FGD4: variants seen among roughly 807,000 people sequenced by gnomAD.
FGD4 encodes FYVE, RhoGEF and PH domain containing 4, also known as FYVE, RhoGEF and PH domain-containing protein 4.
In FGD4, 42 loss-of-function variants were observed where a neutral mutation model predicts 102.0. The ratio of observed to expected loss-of-function variants is 0.41; its 90% confidence interval spans 0.32 to 0.53. FGD4 has a LOEUF of 0.53. FGD4 is among the 20% of genes least tolerant of loss of function. The probability of loss-of-function intolerance (pLI) is 0.21; values close to 1 mark genes in which losing one functional copy is unlikely to be tolerated. For missense variants in FGD4, 902 were observed against 1,078.2 expected, an observed-to-expected ratio of 0.84 and a Z score of 2.29; for synonymous variants, 380 against 375.7, an observed-to-expected ratio of 1.01 and a Z score of -0.13.
chr12:32,533,632 C>G (rs926802614), intron 1 of FGD4, among the ~76,000 whole-genome samples: 1 of 152,170 alleles, frequency 6.6e-6, no homozygotes, highest in African/African-American at 2.4e-5. Context: ...ACCATGTTGG[C>G]CAGGCTGGTT....
At chr12:32,404,416 G>A (rs967729840) in intron 1 of FGD4, among the ~76,000 whole-genome samples, 30 of 151,824 alleles carry the variant, frequency 2.0e-4, no homozygotes, top group African/African-American at 6.5e-4. Context: ...ATTGAATTCT[G>A]GCACTGAACC....
chr12:32,407,575 G>A (rs984406246), intron 1 of FGD4, among the ~76,000 whole-genome samples: 4 of 152,182 alleles, frequency 2.6e-5, no homozygotes, highest in South Asian at 4.1e-4. Flanking sequence ...GAATGCTATA[G>A]ATTGTCCCTC....
chr12:32,635,063 T>C (rs1950723962), intron 15 of FGD4, among the ~76,000 whole-genome samples: 1 of 152,202 alleles, frequency 6.6e-6, no homozygotes, highest in South Asian at 2.1e-4. Flanking sequence ...AGTATACCTG[T>C]ACACTTACAA....
In FGD4 at chr12:32,470,055, G is replaced by T. The variant is rs757295217; in HGVS notation, c.166+70096G>T. The stretch of plus-strand genomic sequence containing the variant: ...CACCATTTTTAGAGCAGATACACTT[G>T]TCATTGAACAAATATGTAGTAATTT... On this transcript the variant is annotated intron_variant, in intron 1 of 16. Coordinates refer to ENST00000534526, the MANE Select transcript of FGD4 (RefSeq NM_001370298.3). Among the ~76,000 whole-genome samples, 10 of 152,138 alleles carry T rather than the reference G, an allele frequency of 6.6e-5. No homozygotes were observed. In the East Asian group the frequency reaches 1.7e-3, roughly 26 times the overall value.
At chr12:32,584,766 T>C (rs1946869711) in intron 4 of FGD4, among the ~76,000 whole-genome samples, 1 of 152,182 alleles carries the variant, frequency 6.6e-6, no homozygotes, top group Admixed American at 6.5e-5. Flanking sequence ...ATTTTTAATT[T>C]CAATATGCAG....
At chr12:32,442,145 C>T (rs1338266543) in intron 1 of FGD4, among the ~76,000 whole-genome samples, 1 of 151,670 alleles carries the variant, frequency 6.6e-6, no homozygotes, top group Non-Finnish European at 1.5e-5. Flanking sequence ...CCTCCGCCTC[C>T]TGGGTTCAAG....
intron 1 of FGD4, among the ~76,000 whole-genome samples, chr12:32,474,041 G>C (rs1591971920): frequency 1.3e-5 from 2 of 151,688 alleles, no homozygotes; most frequent in African/African-American, 4.8e-5. Flanking sequence ...TGAGCTGAGA[G>C]CGCGCCACTG....
In FGD4 at chr12:32,617,908, A is replaced by G. The variant is rs933894303; in HGVS notation, c.1750-1790A>G. 2.0e-5 allele frequency among the ~76,000 whole-genome samples: 3 copies of G among 152,336 alleles called. No homozygotes were observed. The South Asian group carries it at 6.2e-4, about 32-fold the overall frequency. On this transcript the variant is annotated intron_variant, in intron 10 of 16. Coordinates refer to ENST00000534526, the MANE Select transcript of FGD4 (RefSeq NM_001370298.3). ...CTTCACCTATGCGAAGAGGAAAAGG[A>G]TATTTATTGACTAGCATCATATTGT... is the stretch of plus-strand genomic sequence containing the variant.
chr12:32,476,074 C>A (rs1943578084), intron 1 of FGD4, among the ~76,000 whole-genome samples: 1 of 152,108 alleles, frequency 6.6e-6, no homozygotes, highest in Non-Finnish European at 1.5e-5. Flanking sequence ...ATTAGGTACC[C>A]TTTCTGTTCT....
Position 32,403,456 on chromosome 12 carries a change from A to G in FGD4, c.166+3497A>G, listed in dbSNP as rs550703300. On this transcript the variant is annotated intron_variant, in intron 1 of 16. Transcript: ENST00000534526. ...GACAACAGAGATAACAATCCTTATA[A>G]TCGGTGCACTCCTATAGTCTCAGCT... 1.4e-3 allele frequency among the ~76,000 whole-genome samples: 209 copies of G among 152,212 alleles called. 1 individual carries two copies. The highest frequency in any genetic ancestry group is 4.7e-3 in the African/African-American group (197 of 41,514).
At chr12:32,610,747 T>G (rs771122688) in intron 8 of FGD4, 29 bp from the exon 9 acceptor site, 11 of 1,593,126 alleles carry the variant, frequency 6.9e-6, no homozygotes, top group Non-Finnish European at 9.5e-6. Context: ...CAAAGCATAT[T>G]TATTTACTTT....
chr12:32,591,279 G>A (rs1472501), intron 4 of FGD4, among the ~76,000 whole-genome samples: 64,255 of 151,978 alleles, frequency 0.42, 15,104 homozygotes, highest in African/African-American at 0.64. Context: ...GGTCATTTAC[G>A]TACATTTTGT....
At chr12:32,456,386 TCTTTA>T (rs759343092) in intron 1 of FGD4, among the ~76,000 whole-genome samples, 5 of 152,170 alleles carry the variant, frequency 3.3e-5, no homozygotes, top group Non-Finnish European at 7.4e-5. Flanking sequence ...AATCTATTTT[TCTTTA>T]CTTCTTTCTG....
chr12:32,548,585 A>G (rs1943415133), intron 1 of FGD4, among the ~76,000 whole-genome samples: 1 of 152,224 alleles, frequency 6.6e-6, no homozygotes, highest in Admixed American at 6.5e-5. Context: ...CTGTGGTTCC[A>G]AAGTTGCATG....
intron 4 of FGD4, among the ~76,000 whole-genome samples, chr12:32,591,407 T>G (rs1467154024): frequency 1.3e-5 from 2 of 152,244 alleles, no homozygotes; most frequent in Non-Finnish European, 1.5e-5. Context: ...TGAGAACATG[T>G]GCTGAAGAGT....
In FGD4 at chr12:32,502,021, T is replaced by G. The variant is rs987201222; in HGVS notation, c.167-62116T>G. 21 of 985,358 alleles carry G rather than the reference T, an allele frequency of 2.1e-5. No homozygotes were observed. In the African/African-American group the frequency reaches 3.7e-4, roughly 17 times the overall value. 61.0% of individuals were successfully genotyped at this position (985,358 alleles called of 1,614,324 possible). A position where few individuals can be genotyped will look rare whatever the true frequency, so the allele number is the denominator to read the frequency against. The stretch of plus-strand genomic sequence containing the variant: ...GCATGTGAGTGGCTATATATGTTCC[T>G]TCCTTTAGGATTTGCAAGGCTGGAG... On this transcript the variant is annotated intron_variant, in intron 1 of 16. Transcript: ENST00000534526.
chr12:32,461,721 A>G (rs928507018), intron 1 of FGD4, among the ~76,000 whole-genome samples: 4 of 151,846 alleles, frequency 2.6e-5, no homozygotes, highest in Non-Finnish European at 4.4e-5. Flanking sequence ...TCATCTTTGC[A>G]TCAGTTTGTT....
chr12:32,505,966 A>G, intron 1 of FGD4, among the ~76,000 whole-genome samples: 1 of 152,204 alleles, frequency 6.6e-6, no homozygotes, highest in East Asian at 1.9e-4. Flanking sequence ...TTATTTTCAC[A>G]TAATTTAAGG....
intron 4 of FGD4, among the ~76,000 whole-genome samples, chr12:32,588,296 C>G (rs796294904): frequency 2.6e-5 from 4 of 152,138 alleles, no homozygotes; most frequent in African/African-American, 9.6e-5. Flanking sequence ...AGGCTATGGG[C>G]AAGGCACCGC....
Sources: allele counts gnomAD v4.1 joint callset (sites outside exome capture counted in the v4.1 genomes callset), GRCh38; gene constraint gnomAD v4.1.1; transcripts MANE v1.5; gene names NCBI Gene and HGNC (gene_info 2026-07-23, HGNC 2026-07-21).